GRM8: variants seen among roughly 807,000 people sequenced by gnomAD.
GRM8 encodes glutamate metabotropic receptor 8.
A neutral mutation model predicts 87.2 loss-of-function variants in GRM8; 47 were observed. The observed-to-expected ratio is 0.54, with a 90% CI of 0.43 to 0.69. The LOEUF (loss-of-function observed/expected upper bound fraction) is 0.69, where lower values mean the gene tolerates loss of function less well. GRM8 is among the 30% of genes least tolerant of loss of function. GRM8 has a pLI of 0.00. For synonymous variants in GRM8, 396 were observed against 404.5 expected, an observed-to-expected ratio of 0.98 and a Z score of 0.25; for missense variants, 1,019 against 1,139.2, an observed-to-expected ratio of 0.89 and a Z score of 1.52.
At position 127,204,751 on chromosome 7, in the gene GRM8, G is replaced by C. The variant is rs371336672; in HGVS notation, c.510+37944C>G. 4.0e-5 allele frequency among the ~76,000 whole-genome samples: 6 copies of C among 151,132 alleles called. No homozygotes were observed. The East Asian group carries it at 1.2e-3, about 29-fold the overall frequency. ...TTCAAATAATTCTTTTCATTTCTTT[G>C]TTACTGAGAGCTCACATTAGAAAGC... is the stretch of plus-strand genomic sequence containing the variant. On this transcript the variant is annotated intron_variant, in intron 2 of 10. Transcript: ENST00000339582.
chr7:127,174,583 G>T (rs1342025365), intron 2 of GRM8, among the ~76,000 whole-genome samples: 1 of 152,112 alleles, frequency 6.6e-6, no homozygotes, highest in African/African-American at 2.4e-5. Context: ...AGTCACAATA[G>T]AAGGCTTTTA....
intron 6 of GRM8, among the ~76,000 whole-genome samples, chr7:126,862,893 C>G (rs182663629): frequency 6.6e-6 from 1 of 152,042 alleles, no homozygotes; most frequent in East Asian, 1.9e-4. Context: ...TTTTAACATC[C>G]TTTTCAAAAA....
chr7:126,673,395 T>C (rs1479624154), intron 7 of GRM8, among the ~76,000 whole-genome samples: 3 of 152,182 alleles, frequency 2.0e-5, no homozygotes, highest in Admixed American at 6.5e-5. Context: ...TTAGAGGATG[T>C]ATACACAGGT....
rs79788426 is a variant in GRM8, at chr7:126,569,432, C to T, written c.1495-35545G>A. ...CATACTGAACTTCTTCAAAAAGAAA[C>T]AAAAATGCTGAAAGTGAATTTTATT... On this transcript the variant is annotated intron_variant, in intron 8 of 10. Transcript: ENST00000339582. 4.6e-5 allele frequency among the ~76,000 whole-genome samples: 7 copies of T among 151,936 alleles called. No homozygotes were observed. The East Asian group carries it at 1.2e-3, about 25-fold the overall frequency.
At chr7:126,469,961 G>A (rs773354816) in intron 9 of GRM8, among the ~76,000 whole-genome samples, 2 of 152,116 alleles carry the variant, frequency 1.3e-5, no homozygotes, top group Non-Finnish European at 2.9e-5. Context: ...GCTTCCTAGA[G>A]ACTTTTTGAA....
chr7:127,008,894 C>T (rs773492699), intron 3 of GRM8, among the ~76,000 whole-genome samples: 2 of 152,110 alleles, frequency 1.3e-5, no homozygotes, highest in African/African-American at 2.4e-5. Context: ...TTTTTATCTA[C>T]ATCAGTGTAA....
chr7:126,552,133 G>A (rs1792658123), intron 8 of GRM8, among the ~76,000 whole-genome samples: 1 of 152,156 alleles, frequency 6.6e-6, no homozygotes, highest in African/African-American at 2.4e-5. Flanking sequence ...TATTTCAAAT[G>A]CCTCGTCCGT....
intron 6 of GRM8, among the ~76,000 whole-genome samples, chr7:126,832,862 A>G (rs1795524268): frequency 6.6e-6 from 1 of 152,236 alleles, no homozygotes; most frequent in Admixed American, 6.5e-5. Context: ...GCTGTATTAC[A>G]CCATAAATCA....
chr7:126,561,299 C>T (rs1470176282), intron 8 of GRM8, among the ~76,000 whole-genome samples: 2 of 152,048 alleles, frequency 1.3e-5, no homozygotes, highest in Non-Finnish European at 2.9e-5. Flanking sequence ...GGTGAAACCG[C>T]ATCTCCACTA....
chr7:126,988,217 G>T (rs760637159), intron 3 of GRM8, among the ~76,000 whole-genome samples: 2 of 152,182 alleles, frequency 1.3e-5, no homozygotes, highest in African/African-American at 4.8e-5. Flanking sequence ...CCCTTCATGC[G>T]AAATGACGTG....
chr7:126,461,589 C>A (rs187193797), intron 9 of GRM8, among the ~76,000 whole-genome samples: 1 of 151,574 alleles, frequency 6.6e-6, no homozygotes, highest in Non-Finnish European at 1.5e-5. Context: ...TCTCCAATAT[C>A]CTGCCTTTGA....
At chr7:126,643,766 A>C (rs928611440) in intron 7 of GRM8, among the ~76,000 whole-genome samples, 7 of 152,244 alleles carry the variant, frequency 4.6e-5, no homozygotes, top group African/African-American at 1.7e-4. Flanking sequence ...ATTCAACAAA[A>C]TAGGAAATGC....
chr7:126,786,134 A>C (rs1226809982), intron 6 of GRM8, among the ~76,000 whole-genome samples: 1 of 152,176 alleles, frequency 6.6e-6, no homozygotes, highest in Non-Finnish European at 1.5e-5. Context: ...GAAAGAGAGA[A>C]TAATGACCTC....
At chr7:127,013,515 G>GGGGGGGA (rs1815097716) in intron 3 of GRM8, among the ~76,000 whole-genome samples, 1 of 140,050 alleles carries the variant, frequency 7.1e-6, no homozygotes, top group African/African-American at 2.5e-5. Flanking sequence ...CTGGCTCTCT[G>GGGGGGGA]GTGGGGATGG....
chr7:126,573,871 G>T (rs1794896466), intron 8 of GRM8, among the ~76,000 whole-genome samples: 1 of 152,276 alleles, frequency 6.6e-6, no homozygotes, highest in Middle Eastern at 3.4e-3. Flanking sequence ...ACAGGCATGA[G>T]CCACCATGCC....
At chr7:126,830,203 G>T (rs879027121) in intron 6 of GRM8, among the ~76,000 whole-genome samples, 8 of 152,092 alleles carry the variant, frequency 5.3e-5, no homozygotes, top group Non-Finnish European at 1.0e-4. Context: ...TTCTCGAGGA[G>T]TATCTTTGTG....
At chr7:126,797,704 GA>G (rs1379747894) in intron 6 of GRM8, among the ~76,000 whole-genome samples, 1 of 151,986 alleles carries the variant, frequency 6.6e-6, no homozygotes, top group African/African-American at 2.4e-5. Flanking sequence ...GGAGAGTGTT[GA>G]AAAATTTAAA....
At chr7:126,820,753 AC>A (rs1794219672) in intron 6 of GRM8, among the ~76,000 whole-genome samples, 1 of 152,008 alleles carries the variant, frequency 6.6e-6, no homozygotes, top group East Asian at 1.9e-4. Context: ...CAAATTTCCA[AC>A]CCTGCCATCT....
chr7:126,603,638 A>G (rs535457998), intron 8 of GRM8, among the ~76,000 whole-genome samples: 1 of 152,224 alleles, frequency 6.6e-6, no homozygotes, highest in Admixed American at 6.6e-5. Context: ...ATATAGAGAA[A>G]GGGCCCAGGG....
Sources: gnomAD v4.1 joint callset for allele counts (sites outside exome capture counted in the v4.1 genomes callset) on GRCh38, gnomAD v4.1.1 for gene constraint, MANE v1.5 for transcripts, NCBI Gene and HGNC (gene_info 2026-07-23, HGNC 2026-07-21) for gene names.